Variants in DIP2C observed in about 807,000 individuals in gnomAD.
The protein encoded by DIP2C is DIP2 acetate--CoA ligase C (putative), also known as disco-interacting protein 2 homolog C.
In DIP2C, 33 loss-of-function variants were observed where a neutral mutation model predicts 192.4. That is an observed-to-expected ratio of 0.17 (90% CI 0.13 to 0.23). The LOEUF is 0.23. Ranked by LOEUF, DIP2C falls within the 10% of genes least tolerant of loss-of-function variation. DIP2C has a pLI of 1.00. For synonymous variants in DIP2C, 979 were observed against 864.1 expected (o/e 1.13, Z -2.33); for missense variants, 1,537 against 2,110.1 (o/e 0.73, Z 5.32).
chr10:507,860 A>C (rs1181240175), intron 1 of DIP2C, among the ~76,000 whole-genome samples: 1 of 152,200 alleles, frequency 6.6e-6, no homozygotes, highest in African/African-American at 2.4e-5. Flanking sequence ...GTTCCTGACC[A>C]TTCACCTGAG....
chr10:504,974 G>A (rs886828735), intron 1 of DIP2C, among the ~76,000 whole-genome samples: 5 of 151,978 alleles, frequency 3.3e-5, no homozygotes, highest in African/African-American at 9.7e-5. Context: ...TGCTAGGTTC[G>A]TTCATTCATT....
intron 24 of DIP2C, among the ~76,000 whole-genome samples, chr10:350,750 C>T (rs1370033490): frequency 1.3e-5 from 2 of 150,062 alleles, no homozygotes; most frequent in African/African-American, 2.5e-5. Flanking sequence ...GCAATTCTCC[C>T]GTTCTCCTGC....
chr10:427,359 C>G (rs1369992072), intron 4 of DIP2C, among the ~76,000 whole-genome samples: 1 of 152,190 alleles, frequency 6.6e-6, no homozygotes, highest in Non-Finnish European at 1.5e-5. Context: ...ATCAAGATCT[C>G]TATATTAATC....
At chr10:474,295 A>C (rs560293558) in intron 2 of DIP2C, among the ~76,000 whole-genome samples, 1 of 152,310 alleles carries the variant, frequency 6.6e-6, no homozygotes, top group African/African-American at 2.4e-5. Context: ...AGTGTGCTAC[A>C]AATACCGTTC....
chr10:488,634 G>A (rs922859726), intron 1 of DIP2C, among the ~76,000 whole-genome samples: 7 of 152,112 alleles, frequency 4.6e-5, no homozygotes, highest in African/African-American at 1.7e-4. Context: ...AACCTGCCTG[G>A]GAAGTGCCCT....
chr10:411,082 G>C (rs921037906), intron 8 of DIP2C, among the ~76,000 whole-genome samples: 3 of 152,208 alleles, frequency 2.0e-5, no homozygotes, highest in Admixed American at 6.5e-5. Context: ...GCTTGAGAGA[G>C]ACACCATCAA....
intron 1 of DIP2C, among the ~76,000 whole-genome samples, chr10:498,288 G>C (rs1588305211): frequency 1.3e-5 from 2 of 152,228 alleles, no homozygotes; most frequent in South Asian, 4.1e-4. Context: ...CAAAGGGTGG[G>C]GAAGCAGATG....
chr10:304,293 A>G (rs928078218), intron 32 of DIP2C, among the ~76,000 whole-genome samples: 1 of 152,134 alleles, frequency 6.6e-6, no homozygotes, highest in Non-Finnish European at 1.5e-5. Context: ...TTTCACAGGA[A>G]TTTTTCAGCT....
At chr10:539,565 A>G (rs1219443942) in intron 1 of DIP2C, among the ~76,000 whole-genome samples, 4 of 152,242 alleles carry the variant, frequency 2.6e-5, no homozygotes, top group African/African-American at 9.6e-5. Flanking sequence ...TGGAATGGCT[A>G]TAATAGAAAA....
intron 1 of DIP2C, among the ~76,000 whole-genome samples, chr10:596,096 A>G (rs1851682800): frequency 6.6e-6 from 1 of 152,212 alleles, no homozygotes; most frequent in South Asian, 2.1e-4. Flanking sequence ...CCCCACGGCT[A>G]AAGGACCTTT....
At chr10:492,374 C>T (rs1427425373) in intron 1 of DIP2C, among the ~76,000 whole-genome samples, 3 of 152,210 alleles carry the variant, frequency 2.0e-5, no homozygotes, top group Non-Finnish European at 4.4e-5. Context: ...TCCACCTGCA[C>T]CTGCTGTGCC....
At chr10:551,550 G>A (rs908187682) in intron 1 of DIP2C, among the ~76,000 whole-genome samples, 3 of 152,218 alleles carry the variant, frequency 2.0e-5, no homozygotes, top group Non-Finnish European at 2.9e-5. Flanking sequence ...AAACCCACAA[G>A]TGCCTTCCCT....
At chr10:580,320 CAA>C (rs1437713790) in intron 1 of DIP2C, among the ~76,000 whole-genome samples, 1 of 150,308 alleles carries the variant, frequency 6.7e-6, no homozygotes, top group African/African-American at 2.4e-5. Flanking sequence ...CACATATCCA[CAA>C]GTTTATTCAG....
chr10:339,313 C>A (rs1247614702), intron 29 of DIP2C, among the ~76,000 whole-genome samples: 1 of 152,020 alleles, frequency 6.6e-6, no homozygotes, highest in African/African-American at 2.4e-5. Context: ...AGATTCATGG[C>A]TATATTTATT....
chr10:568,761 G>A (rs370691395), intron 1 of DIP2C, among the ~76,000 whole-genome samples: 703 of 37,126 alleles, frequency 0.019, 9 homozygotes, highest in African/African-American at 0.041. Flanking sequence ...GGGAAACTCC[G>A]TCTCAAAAAA....
At chr10:662,202 C>T in intron 1 of DIP2C, 3 of 692,722 alleles carry the variant, frequency 4.3e-6, no homozygotes, top group East Asian at 5.4e-5. Context: ...ACAAAGAGTA[C>T]AGGCCTCACA....
chr10:370,349 C>CG (rs1449689721), intron 17 of DIP2C, among the ~76,000 whole-genome samples: 1 of 152,218 alleles, frequency 6.6e-6, no homozygotes, highest in Non-Finnish European at 1.5e-5. Context: ...AGCTTGCTCC[C>CG]GCCTTGGGGC....
At chr10:385,533 C>T (rs536831301) in intron 14 of DIP2C, among the ~76,000 whole-genome samples, 3 of 152,348 alleles carry the variant, frequency 2.0e-5, no homozygotes, top group African/African-American at 7.2e-5. Flanking sequence ...ATCTTGAGAA[C>T]CGCACACTGC....
intron 2 of DIP2C, among the ~76,000 whole-genome samples, chr10:480,085 C>T (rs914724198): frequency 1.3e-5 from 2 of 150,980 alleles, no homozygotes; most frequent in Non-Finnish European, 3.0e-5. Context: ...ATCCGCCAGC[C>T]TGAGCTCCGG....
Sources: allele counts gnomAD v4.1 joint callset (sites outside exome capture counted in the v4.1 genomes callset), GRCh38; gene constraint gnomAD v4.1.1; transcripts MANE v1.5; gene names NCBI Gene and HGNC (gene_info 2026-07-23, HGNC 2026-07-21).